FHIT: variants seen among roughly 807,000 people sequenced by gnomAD.
The protein encoded by FHIT is bis(5'-adenosyl)-triphosphatase.
In FHIT, 19 loss-of-function variants were observed where a neutral mutation model predicts 17.9. That is an observed-to-expected ratio of 1.06 (90% CI 0.74 to 1.56). The LOEUF is 1.56. FHIT is among the 40% of genes most tolerant of loss of function. The probability of loss-of-function intolerance (pLI) is 0.00; values close to 1 mark genes in which losing one functional copy is unlikely to be tolerated. For missense variants in FHIT, 248 were observed against 189.2 expected, an observed-to-expected ratio of 1.31 and a Z score of -1.82; for synonymous variants, 81 against 69.7, an observed-to-expected ratio of 1.16 and a Z score of -0.81.
intron 3 of FHIT, among the ~76,000 whole-genome samples, chr3:60,964,058 G>A (rs1553782211): frequency 6.6e-6 from 1 of 152,090 alleles, no homozygotes; most frequent in African/African-American, 2.4e-5. Context: ...ATTATCGTGT[G>A]GGAGTCTAAG....
intron 5 of FHIT, among the ~76,000 whole-genome samples, chr3:60,312,110 T>C (rs2106763030): frequency 6.6e-6 from 1 of 152,282 alleles, no homozygotes; most frequent in Non-Finnish European, 1.5e-5. Context: ...ATTATATATG[T>C]GTAGGAGTAT....
At chr3:60,065,627 G>A (rs1702467355) in intron 5 of FHIT, among the ~76,000 whole-genome samples, 1 of 152,182 alleles carries the variant, frequency 6.6e-6, no homozygotes, top group Non-Finnish European at 1.5e-5. Flanking sequence ...GACCTAATCA[G>A]TTAGAGGCAA....
At chr3:60,016,599 T>C (rs1044994424) in intron 5 of FHIT, among the ~76,000 whole-genome samples, 1 of 152,194 alleles carries the variant, frequency 6.6e-6, no homozygotes, top group Non-Finnish European at 1.5e-5. Flanking sequence ...GCAACTGTCA[T>C]GCAGTGTAAA....
chr3:60,744,194 G>A (rs1314699872), intron 4 of FHIT, among the ~76,000 whole-genome samples: 3 of 133,274 alleles, frequency 2.3e-5, no homozygotes, highest in Non-Finnish European at 3.1e-5. Context: ...CGAAAAACGC[G>A]TTTTCCCTAT....
chr3:61,102,211 T>C (rs1576016377), intron 2 of FHIT, among the ~76,000 whole-genome samples: 1 of 152,318 alleles, frequency 6.6e-6, no homozygotes. Flanking sequence ...TAGTTCTTAT[T>C]ATTTTGAGAT....
chr3:60,114,905 T>C (rs1340063305), intron 5 of FHIT, among the ~76,000 whole-genome samples: 3 of 152,162 alleles, frequency 2.0e-5, no homozygotes, highest in Non-Finnish European at 2.9e-5. Context: ...GGAATCATAG[T>C]ATACTGAAAA....
chr3:60,106,437 C>T (rs1256221552), intron 5 of FHIT, among the ~76,000 whole-genome samples: 1 of 152,136 alleles, frequency 6.6e-6, no homozygotes, highest in Non-Finnish European at 1.5e-5. Flanking sequence ...AAAGTTTCAA[C>T]CACAGTTCAT....
chr3:60,073,320 G>C (rs1313946932), intron 5 of FHIT, among the ~76,000 whole-genome samples: 1 of 151,908 alleles, frequency 6.6e-6, no homozygotes, highest in Non-Finnish European at 1.5e-5. Context: ...ATTGGGAAAG[G>C]GGATTGCCTT....
chr3:60,723,001 A>T (rs1420461194), intron 4 of FHIT, among the ~76,000 whole-genome samples: 1 of 152,084 alleles, frequency 6.6e-6, no homozygotes, highest in East Asian at 1.9e-4. Context: ...GATTACAGGC[A>T]TGAACCACCG....
At chr3:60,428,865 C>T (rs913790962) in intron 5 of FHIT, among the ~76,000 whole-genome samples, 2 of 151,978 alleles carry the variant, frequency 1.3e-5, no homozygotes, top group African/African-American at 4.8e-5. Context: ...TCACATGCAA[C>T]CCAAAGAAAA....
intron 5 of FHIT, among the ~76,000 whole-genome samples, chr3:60,299,325 C>T (rs1213926985): frequency 6.6e-6 from 1 of 152,124 alleles, no homozygotes; most frequent in African/African-American, 2.4e-5. Flanking sequence ...GAAATTTTGA[C>T]ATCTCTGTCT....
intron 5 of FHIT, among the ~76,000 whole-genome samples, chr3:60,495,470 T>C (rs1333632206): frequency 1.3e-5 from 2 of 152,050 alleles, no homozygotes; most frequent in Non-Finnish European, 2.9e-5. Context: ...ATATGAGTTT[T>C]TACTCCCAGA....
chr3:59,998,050 C>T (rs566449598), intron 7 of FHIT, among the ~76,000 whole-genome samples: 74 of 152,094 alleles, frequency 4.9e-4, no homozygotes, highest in Non-Finnish European at 9.0e-4. Flanking sequence ...TTCATGCTTT[C>T]GCTGACTGCC....
rs371200803 is a variant in FHIT, at chr3:60,704,428, A to G, written c.-18+117491T>C. 7.2e-5 allele frequency among the ~76,000 whole-genome samples: 11 copies of G among 152,294 alleles called. No individual in the cohort carries two copies. The East Asian group carries it at 1.9e-3, about 27-fold the overall frequency. ...AATATCTTCAACTTTTCTACAAAAC[A>G]ATTTTCTCTACAGCTCTCCCAGACT... On this transcript the variant is annotated intron_variant, in intron 4 of 9. Transcript: ENST00000492590.
intron 8 of FHIT, among the ~76,000 whole-genome samples, chr3:59,889,242 C>A (rs528732529): frequency 8.5e-5 from 13 of 152,298 alleles, no homozygotes; most frequent in African/African-American, 1.2e-4. Context: ...GGACTAGACA[C>A]CAGGCATCAA....
In FHIT at chr3:60,826,658, A is replaced by T. The variant is rs151091750; in HGVS notation, c.-110-4647T>A. The stretch of plus-strand genomic sequence containing the variant: ...AGGGCTGAATTTCAGTTCAGCCCGC[A>T]GAGGGAACCATCTGTCATTTGGAAT... On this transcript the variant is annotated intron_variant, in intron 3 of 9. Coordinates refer to ENST00000492590, the MANE Select transcript of FHIT (RefSeq NM_002012.4). 1.9e-3 allele frequency among the ~76,000 whole-genome samples: 290 copies of T among 152,314 alleles called. 3 individuals carry two copies. The highest frequency in any genetic ancestry group is 6.9e-3 in the African/African-American group (285 of 41,566).
intron 4 of FHIT, among the ~76,000 whole-genome samples, chr3:60,790,509 A>G (rs1193482571): frequency 6.6e-6 from 1 of 152,182 alleles, no homozygotes; most frequent in Non-Finnish European, 1.5e-5. Flanking sequence ...CATGATTGTA[A>G]TTTGAAATCC....
intron 7 of FHIT, among the ~76,000 whole-genome samples, chr3:59,993,387 A>C (rs1575838939): frequency 6.6e-6 from 1 of 152,100 alleles, no homozygotes; most frequent in Admixed American, 6.6e-5. Flanking sequence ...CCTGGACTGT[A>C]TTAAAACAGT....
intron 5 of FHIT, among the ~76,000 whole-genome samples, chr3:60,205,994 G>A (rs1443553530): frequency 4.0e-5 from 6 of 150,356 alleles, no homozygotes; most frequent in Admixed American, 1.3e-4. Context: ...TTAGCCGGGC[G>A]TGGTTGCAGG....
Sources: allele counts gnomAD v4.1 joint callset (sites outside exome capture counted in the v4.1 genomes callset), GRCh38; gene constraint gnomAD v4.1.1; transcripts MANE v1.5; gene names NCBI Gene and HGNC (gene_info 2026-07-23, HGNC 2026-07-21).